The following ABHD12 variants were observed in gnomAD, a reference collection of about 807,000 sequenced individuals.
ABHD12 encodes abhydrolase domain containing 12, lysophospholipase, also known as lysophosphatidylserine lipase ABHD12.
ABHD12 carries 43 observed loss-of-function variants against 58.3 expected under a neutral mutation model. That is an observed-to-expected ratio of 0.74 (90% CI 0.58 to 0.95). The LOEUF is 0.95. Among genes scored for constraint, ABHD12 ranks in the 40% least tolerant of loss-of-function variants. The pLI, the probability that ABHD12 is intolerant of heterozygous loss-of-function variation, is 0.00. For synonymous variants in ABHD12, 219 were observed against 211.2 expected (o/e 1.04, Z -0.32); for missense variants, 539 against 537.2 (o/e 1.00, Z -0.03).
intron 1 of ABHD12, among the ~76,000 whole-genome samples, chr20:25,367,070 T>G (rs763059840): frequency 3.3e-5 from 5 of 152,216 alleles, no homozygotes; most frequent in Non-Finnish European, 5.9e-5. Flanking sequence ...ATTTTAAAAT[T>G]TGGGATTCTG....
chr20:25,300,790 TGGAGGAAAACG>T lies in ABHD12; in HGVS notation c.*44_*54del, dbSNP rs1339148734. On this transcript the variant is annotated 3_prime_UTR_variant, in exon 13 of 13. Transcript: ENST00000339157. ...GGCTTCAGGATACCGGGCTGCTGACTGGAGGAAAACGGGAGGAGGGCAGAGGTCTTCATGCT... is the reference window on the plus strand; with the variant it reads ...GGCTTCAGGATACCGGGCTGCTGACTGGAGGAGGGCAGAGGTCTTCATGCT... The T allele has an allele frequency of 6.2e-7, 1 of 1,613,476 alleles. No homozygotes were observed. The highest frequency in any genetic ancestry group is 2.2e-5 in the East Asian group (1 of 44,890).
chr20:25,324,190 G>A (rs1434936580), intron 2 of ABHD12, among the ~76,000 whole-genome samples: 2 of 152,152 alleles, frequency 1.3e-5, no homozygotes, highest in South Asian at 2.1e-4. Context: ...CAGGACCTGC[G>A]GGCAGATGAG....
At chr20:25,296,503 C>T (rs201566117), downstream of ABHD12, 48 of 1,613,584 alleles carry the variant, frequency 3.0e-5, no homozygotes, top group Non-Finnish European at 3.5e-5. Context: ...ATCCCGCCCC[C>T]CAACATCCCC....
chr20:25,388,293 A>C (rs538897519), intron 1 of ABHD12, among the ~76,000 whole-genome samples: 2 of 152,206 alleles, frequency 1.3e-5, no homozygotes, highest in Non-Finnish European at 2.9e-5. Flanking sequence ...TGTTCTATGG[A>C]TATTTGTTCA....
At chr20:25,314,145 G>A (rs534570650) in intron 6 of ABHD12, among the ~76,000 whole-genome samples, 15 of 152,054 alleles carry the variant, frequency 9.9e-5, no homozygotes, top group African/African-American at 3.1e-4. Flanking sequence ...GTTAATTTTT[G>A]TATTTTCAGT....
intron 11 of ABHD12, 113 bp downstream of exon 11, chr20:25,303,437 G>T (rs565470532): frequency 4.5e-6 from 7 of 1,539,302 alleles, no homozygotes; most frequent in Non-Finnish European, 5.2e-6. Flanking sequence ...TGCGCAGCCC[G>T]TGATGCAGCA....
intron 1 of ABHD12, among the ~76,000 whole-genome samples, chr20:25,384,838 C>A (rs1253188403): frequency 6.6e-6 from 1 of 152,218 alleles, no homozygotes; most frequent in African/African-American, 2.4e-5. Flanking sequence ...TCCTGCCAGG[C>A]AGCAACAGGA....
chr20:25,390,483 C>T lies in ABHD12; in HGVS notation c.191+30G>A, dbSNP rs763295201. On this transcript the variant is annotated intron_variant, in intron 1 of 12. Transcript: ENST00000339157. ...TGCGCAAAGTGAGGGACCGGCCCCC[C>T]CCCCCCCCCCGCTCCGCGCGAAGCC... is the stretch of plus-strand genomic sequence containing the variant. 1.2e-5 allele frequency: 12 copies of T among 1,026,634 alleles called. No individual in the cohort carries two copies. In the East Asian group the frequency reaches 5.7e-4, roughly 48 times the overall value. The allele number at this position is 1,026,634 out of a possible 1,614,324, so 63.6% of individuals were successfully genotyped here.
At chr20:25,367,453 AC>A (rs1401158883) in intron 1 of ABHD12, among the ~76,000 whole-genome samples, 3 of 152,240 alleles carry the variant, frequency 2.0e-5, no homozygotes, top group Non-Finnish European at 4.4e-5. Flanking sequence ...TTTCACGTGT[AC>A]AGTTCAGTGG....
downstream of ABHD12, chr20:25,297,982 T>C (rs551777302): frequency 2.6e-5 from 4 of 150,964 alleles, no homozygotes; most frequent in Admixed American, 6.6e-5. Flanking sequence ...AGATAAAAAC[T>C]GATTAAACCT....
intron 1 of ABHD12, among the ~76,000 whole-genome samples, chr20:25,377,177 G>A (rs1460805914): frequency 1.3e-5 from 2 of 152,212 alleles, no homozygotes; most frequent in African/African-American, 4.8e-5. Context: ...GATATTGAAT[G>A]TCCTAGAATG....
chr20:25,303,294 T>C (rs1207379554), intron 11 of ABHD12: 6 of 1,316,868 alleles, frequency 4.6e-6, no homozygotes, highest in Non-Finnish European at 5.8e-6. Flanking sequence ...TATCTGCTTA[T>C]TTTTCATATT....
chr20:25,294,988 C>T lies in ABHD12; in HGVS notation c.1200G>A (p.Trp400Ter), dbSNP rs533878622. ...TTGGCTTCAGTCACACCAGCTCTGACCACATGCTGGGATCTGGGCTGGAAC... is the reference window on the plus strand; with the variant it reads ...TTGGCTTCAGTCACACCAGCTCTGATCACATGCTGGGATCTGGGCTGGAAC... The change falls in exon 13 of 13, where the codon TGG becomes TGA. Residue 400 changes from tryptophan (W) to a stop codon, truncating the protein, a stop_gained. Coordinates refer to the ABHD12 transcript ENST00000376542. LOFTEE classifies it high-confidence loss of function. 1.2e-6 allele frequency: 2 copies of T among 1,614,200 alleles called. No individual in the cohort carries two copies. The highest frequency in any genetic ancestry group is 1.3e-5 in the African/African-American group (1 of 75,056).
intron 1 of ABHD12, among the ~76,000 whole-genome samples, chr20:25,355,652 G>A (rs1197477587): frequency 6.6e-5 from 10 of 152,038 alleles, no homozygotes; most frequent in South Asian, 4.1e-4. Flanking sequence ...TCCGCCTCCC[G>A]GGTTCAAGCC....
In ABHD12 at chr20:25,376,125, A is replaced by AAATAAT. The variant is rs374119522; in HGVS notation, c.191+14382_191+14387dup. On this transcript the variant is annotated intron_variant, in intron 1 of 12. Transcript: ENST00000339157. ...CGACAGAGTGAGACTCTGTCTCAAA[A>AAATAAT]AATAATAATAATAATAATAATGTCT... Among the ~76,000 whole-genome samples, 202 of 151,970 alleles carry AAATAAT rather than the reference A, an allele frequency of 1.3e-3. 1 individual carries two copies. The highest frequency in any genetic ancestry group is 4.6e-3 in the African/African-American group (190 of 41,434).
intron 1 of ABHD12, among the ~76,000 whole-genome samples, chr20:25,388,228 C>T (rs189726704): frequency 1.9e-3 from 287 of 152,084 alleles, no homozygotes; most frequent in Admixed American, 2.8e-3. Context: ...CGGAAGGATC[C>T]AAAGAAGGAT....
chr20:25,296,492 GATCCCGCCCCCCAAC>G, downstream of ABHD12: 7 of 1,613,776 alleles, frequency 4.3e-6, 1 homozygote, highest in Non-Finnish European at 5.9e-6. Context: ...CCGACCTGCA[GATCCCGCCCCCCAAC>G]ATCCCCCGGG....
At chr20:25,296,825 C>T (rs376520305), downstream of ABHD12, 6 of 395,928 alleles carry the variant, frequency 1.5e-5, no homozygotes, top group African/African-American at 1.0e-4. Flanking sequence ...ACCTGCTGGG[C>T]TCCCCCAGAA....
chr20:25,379,634 A>G, intron 1 of ABHD12, among the ~76,000 whole-genome samples: 1 of 151,728 alleles, frequency 6.6e-6, no homozygotes, highest in East Asian at 1.9e-4. Context: ...TCCCATGCAC[A>G]CTCCAGACTG....
Sources: gnomAD v4.1 joint callset for allele counts (sites outside exome capture counted in the v4.1 genomes callset) on GRCh38, gnomAD v4.1.1 for gene constraint, MANE v1.5 for transcripts, NCBI Gene and HGNC (gene_info 2026-07-23, HGNC 2026-07-21) for gene names.